Variants in AVEN observed in about 807,000 individuals in gnomAD.
AVEN encodes the protein apoptosis and caspase activation inhibitor, also known as cell death regulator Aven.
Under a neutral mutation model 38.1 loss-of-function variants are expected in AVEN, and 41 were observed. The observed-to-expected ratio is 1.08, with a 90% CI of 0.84 to 1.40. The LOEUF (loss-of-function observed/expected upper bound fraction) is 1.40, where lower values mean the gene tolerates loss of function less well. AVEN is among the 40% of genes most tolerant of loss of function. AVEN has a pLI of 0.00. For synonymous variants in AVEN, 206 were observed against 171.8 expected, an observed-to-expected ratio of 1.20 and a Z score of -1.56; for missense variants, 605 against 438.8, an observed-to-expected ratio of 1.38 and a Z score of -3.38.
intron 2 of AVEN, 125 bp from the exon 3 acceptor site, chr15:33,876,120 T>TA: frequency 1.3e-6 from 1 of 779,090 alleles, no homozygotes. Flanking sequence ...GAGGCAAGGA[T>TA]AAAACTGGAA....
At chr15:33,943,219 T>G (rs753140942) in intron 2 of AVEN, among the ~76,000 whole-genome samples, 7 of 152,176 alleles carry the variant, frequency 4.6e-5, no homozygotes, top group Non-Finnish European at 1.0e-4. Flanking sequence ...CAAGTGTCTG[T>G]TGAATGGATA....
intron 2 of AVEN, among the ~76,000 whole-genome samples, chr15:33,910,644 A>C (rs926788921): frequency 6.6e-6 from 1 of 152,216 alleles, no homozygotes; most frequent in African/African-American, 2.4e-5. Flanking sequence ...CAACTCACCC[A>C]ATGGGCATTA....
chr15:34,051,685 A>G (rs1488607351), intron 5 of AVEN, among the ~76,000 whole-genome samples: 1 of 152,294 alleles, frequency 6.6e-6, no homozygotes, highest in East Asian at 1.9e-4. Context: ...AGAAATCCAA[A>G]CAATCATCAG....
chr15:33,966,925 T>C (rs1484029569), intron 2 of AVEN, among the ~76,000 whole-genome samples: 1 of 152,146 alleles, frequency 6.6e-6, no homozygotes, highest in Non-Finnish European at 1.5e-5. Context: ...ATGGCCCCAT[T>C]TGATAGATTT....
chr15:33,899,088 A>G (rs1892369078), intron 2 of AVEN, among the ~76,000 whole-genome samples: 1 of 152,158 alleles, frequency 6.6e-6, no homozygotes, highest in Admixed American at 6.5e-5. Context: ...GACCAGATAG[A>G]AGGTGGTCAC....
intron 2 of AVEN, among the ~76,000 whole-genome samples, chr15:34,002,735 T>C (rs568329149): frequency 6.6e-6 from 1 of 152,352 alleles, no homozygotes; most frequent in East Asian, 1.9e-4. Flanking sequence ...AAAACATTTA[T>C]GTTTCTCAGA....
intron 1 of AVEN, among the ~76,000 whole-genome samples, chr15:34,005,246 C>T (rs549075247): frequency 3.9e-5 from 6 of 152,134 alleles, no homozygotes; most frequent in African/African-American, 9.6e-5. Context: ...TCCAAATTTC[C>T]GTAACCCAAA....
intron 2 of AVEN, among the ~76,000 whole-genome samples, chr15:33,891,039 G>T (rs1239014032): frequency 6.6e-6 from 1 of 151,130 alleles, no homozygotes; most frequent in African/African-American, 2.4e-5. Context: ...AGGCCAGGGG[G>T]CGAAGGTTGC....
chr15:34,013,123 G>A lies in AVEN; in HGVS notation c.268-9914C>T, dbSNP rs563469576. On this transcript the variant is annotated intron_variant, in intron 1 of 5. Transcript: ENST00000306730. Reference sequence around the variant, plus strand: ...GTCGCCCCGGCTGGAGTGCAATGGCGCAATCTTGGCTCACTGCAACCTCTG... The same window carrying A: ...GTCGCCCCGGCTGGAGTGCAATGGCACAATCTTGGCTCACTGCAACCTCTG... Among the ~76,000 whole-genome samples, 402 of 152,044 alleles carry A rather than the reference G, an allele frequency of 2.6e-3. 1 individual carries two copies. The highest frequency in any genetic ancestry group is 9.3e-3 in the African/African-American group (385 of 41,502).
chr15:34,037,118 A>AT (rs1336266727), intron 1 of AVEN, among the ~76,000 whole-genome samples: 29 of 151,362 alleles, frequency 1.9e-4, no homozygotes, highest in Non-Finnish European at 3.2e-4. Context: ...TCAAAAAAAA[A>AT]AAAAAAATAT....
intron 2 of AVEN, among the ~76,000 whole-genome samples, chr15:33,962,409 A>G (rs1478956071): frequency 6.6e-6 from 1 of 152,114 alleles, no homozygotes; most frequent in Non-Finnish European, 1.5e-5. Flanking sequence ...ACAGTTACTC[A>G]AGCCAGAGTT....
chr15:33,991,647 A>G (rs972744810), intron 2 of AVEN: 1 of 152,210 alleles, frequency 6.6e-6, no homozygotes, highest in Non-Finnish European at 1.5e-5. Context: ...GGGAAATAAA[A>G]TGGATACACT....
intron 2 of AVEN, among the ~76,000 whole-genome samples, chr15:33,941,806 C>T (rs112411039): frequency 5.9e-5 from 9 of 152,258 alleles, no homozygotes; most frequent in South Asian, 2.1e-4. Context: ...TGAAGGTTGA[C>T]TTAGATTTGC....
chr15:34,004,073 TCAGGTAGCG>T (rs758863694), intron 1 of AVEN, among the ~76,000 whole-genome samples: 64 of 152,330 alleles, frequency 4.2e-4, no homozygotes, highest in Admixed American at 2.0e-3. Flanking sequence ...GTGTGATTGT[TCAGGTAGCG>T]TCTGTGTGAG....
At chr15:33,929,497 T>A (rs2153050236) in intron 2 of AVEN, among the ~76,000 whole-genome samples, 1 of 152,330 alleles carries the variant, frequency 6.6e-6, no homozygotes, top group African/African-American at 2.4e-5. Context: ...GTGCCAGCCT[T>A]GTGAGCTACC....
chr15:33,983,408 C>G (rs960777647), intron 2 of AVEN, among the ~76,000 whole-genome samples: 3 of 151,814 alleles, frequency 2.0e-5, no homozygotes, highest in African/African-American at 7.3e-5. Flanking sequence ...TTCCATTCTT[C>G]AAAGAAATTG....
chr15:34,035,903 C>T (rs369549620), intron 1 of AVEN, among the ~76,000 whole-genome samples: 7 of 152,166 alleles, frequency 4.6e-5, no homozygotes, highest in Non-Finnish European at 4.4e-5. Context: ...CAAAACAATC[C>T]GGCTGCTTCA....
At chr15:34,066,316 A>T (rs1900509512) in intron 3 of AVEN, 1 of 152,232 alleles carries the variant, frequency 6.6e-6, no homozygotes, top group African/African-American at 2.4e-5. Context: ...TTGATTCCTG[A>T]TAAAGATGAA....
At chr15:34,000,765 GA>G (rs922338643) in intron 2 of AVEN, among the ~76,000 whole-genome samples, 1 of 152,052 alleles carries the variant, frequency 6.6e-6, no homozygotes, top group African/African-American at 2.4e-5. Flanking sequence ...ATCCTGAGAA[GA>G]AACTGATAAA....
Sources: gnomAD v4.1 joint callset for allele counts (sites outside exome capture counted in the v4.1 genomes callset) on GRCh38, gnomAD v4.1.1 for gene constraint, MANE v1.5 for transcripts, NCBI Gene and HGNC (gene_info 2026-07-23, HGNC 2026-07-21) for gene names.